Variants in HECTD4 observed in about 807,000 individuals in gnomAD.
HECTD4 encodes the protein probable E3 ubiquitin-protein ligase HECTD4.
Under a neutral mutation model 471.5 loss-of-function variants are expected in HECTD4, and 114 were observed. The observed-to-expected ratio is 0.24, with a 90% confidence interval of 0.21 to 0.28. The LOEUF is 0.28. HECTD4 is among the 10% of genes least tolerant of loss of function. The pLI is 1.00. For missense variants in HECTD4, 3,866 were observed against 5,651.5 expected (o/e 0.68, Z 10.13); for synonymous variants, 2,012 against 2,256.0 (o/e 0.89, Z 3.07).
chr12:112,183,891 C>T (rs528549411), intron 61 of HECTD4, among the ~76,000 whole-genome samples: 1 of 152,328 alleles, frequency 6.6e-6, no homozygotes, highest in African/African-American at 2.4e-5. Context: ...ACAAAAAGAA[C>T]CCAAGGCCAT....
At chr12:112,252,401 C>G in intron 23 of HECTD4, 23 bp downstream of exon 23, 1 of 1,567,568 alleles carries the variant, frequency 6.4e-7, no homozygotes, top group Non-Finnish European at 8.6e-7. Context: ...ATTTTGTCCA[C>G]GGCAGTGGTT....
intron 1 of HECTD4, among the ~76,000 whole-genome samples, chr12:112,360,097 T>G (rs1420562091): frequency 6.6e-6 from 1 of 152,184 alleles, no homozygotes; most frequent in African/African-American, 2.4e-5. Flanking sequence ...GTATTTTTCT[T>G]GGTAACTAGA....
intron 45 of HECTD4, 123 bp from the exon 46 acceptor site, chr12:112,217,318 T>TACAC (rs201184790): frequency 1.5e-5 from 7 of 470,656 alleles, no homozygotes; most frequent in Admixed American, 1.2e-4. Flanking sequence ...CACACACACA[T>TACAC]ACACACACAC....
At chr12:112,318,303 A>G (rs762965850) in intron 2 of HECTD4, among the ~76,000 whole-genome samples, 2 of 152,050 alleles carry the variant, frequency 1.3e-5, no homozygotes, top group African/African-American at 2.4e-5. Context: ...AGAGAAAAGC[A>G]AAAAGAAAAG....
Position 112,213,909 on chromosome 12 carries a change from T to C in HECTD4, c.7466-1259A>G, listed in dbSNP as rs1229445859. ...TGGTAGTGTGTGCCTATGGTCCCAG[T>C]TACTCAGGAGGCTGAGATGGGAGGG... On this transcript the variant is annotated intron_variant, in intron 48 of 75. Transcript: ENST00000682272. This position sits in a 1 kb window ranked among gnomAD's most constrained non-coding sequence, Gnocchi z 4.0. Among the ~76,000 whole-genome samples, 1 of 151,156 alleles carries C rather than the reference T, an allele frequency of 6.6e-6. No individual in the cohort carries two copies. Among genetic ancestry groups the C allele is most frequent in the Non-Finnish European group, 1.5e-5 (1 of 67,854 alleles).
At position 112,253,644 on chromosome 12, in the gene HECTD4, T is replaced by C. The variant is rs1372118271; in HGVS notation, c.3447+399A>G. 4.6e-5 allele frequency among the ~76,000 whole-genome samples: 7 copies of C among 152,220 alleles called. 1 individual carries two copies. The East Asian group carries it at 1.2e-3, about 25-fold the overall frequency. ...TCATCAGTTTGAGAATGGATAATTG[T>C]TTTTGCTCCAAAGGCCCAAATTCAT... On this transcript the variant is annotated intron_variant, in intron 22 of 75. Coordinates refer to ENST00000682272, the MANE Select transcript of HECTD4 (RefSeq NM_001388303.1).
Position 112,171,189 on chromosome 12 carries a change from GGAA to G in HECTD4, c.11857_11859del (p.Phe3953del), listed in dbSNP as rs1189706170. The G allele has an allele frequency of 3.7e-6, 6 of 1,613,294 alleles. No individual in the cohort carries two copies. The highest frequency in any genetic ancestry group is 2.7e-5 in the African/African-American group (2 of 74,934). Reference sequence around the variant, plus strand: ...GTCTGGCGCAGCTCCACCAGGGGCAGGAAGAAGGTCTCCAGTGTGGTGTTGAGG... The same window carrying G: ...GTCTGGCGCAGCTCCACCAGGGGCAGGAAGGTCTCCAGTGTGGTGTTGAGG... On this transcript the variant is annotated inframe_deletion, in exon 68 of 76. Transcript: ENST00000682272.
chr12:112,270,422 T>C lies in HECTD4; in HGVS notation c.1980A>G (p.Leu660=), dbSNP rs2034390511. ...AITTNEVINQ[L]LHHVGAMCIH... ...TGCACATCGCACCAACGTGGTGCAA[T>C]AATTGGTTTATAACCTCATTCGTGG... Residue 660 remains leucine, a synonymous_variant, in exon 12 of 76, where the codon TTA becomes TTG. Transcript: ENST00000682272. 6.2e-7 allele frequency: 1 copy of C among 1,613,896 alleles called. No individual in the cohort carries two copies. The highest frequency in any genetic ancestry group is 8.5e-7 in the Non-Finnish European group (1 of 1,179,916).
chr12:112,365,511 C>A (rs1452064727), intron 1 of HECTD4, among the ~76,000 whole-genome samples: 1 of 152,226 alleles, frequency 6.6e-6, no homozygotes, highest in Non-Finnish European at 1.5e-5. Flanking sequence ...CATTTCACTT[C>A]TGACCAGCCA....
intron 1 of HECTD4, among the ~76,000 whole-genome samples, chr12:112,370,197 A>T (rs2036639800): frequency 6.6e-6 from 1 of 152,186 alleles, no homozygotes; most frequent in Non-Finnish European, 1.5e-5. Context: ...CAAGCCAAGA[A>T]ATACAAGTGG....
At chr12:112,255,450 C>A (rs1354372883) in intron 21 of HECTD4, among the ~76,000 whole-genome samples, 1 of 152,116 alleles carries the variant, frequency 6.6e-6, no homozygotes, top group East Asian at 1.9e-4. Context: ...CTATAACTTG[C>A]CCAGAAATGT....
Position 112,213,681 on chromosome 12 carries a change from G to A in HECTD4, c.7466-1031C>T, listed in dbSNP as rs2032830211. Among the ~76,000 whole-genome samples the A allele has an allele frequency of 7.0e-6, 1 of 143,754 alleles. No homozygotes were observed. The highest frequency in any genetic ancestry group is 1.5e-5 in the Non-Finnish European group (1 of 66,908). The allele number at this position is 143,754 out of a possible 152,430, so 94.3% of individuals were successfully genotyped here. On this transcript the variant is annotated intron_variant, in intron 48 of 75. Transcript: ENST00000682272. This position sits in a 1 kb window ranked among gnomAD's most constrained non-coding sequence, Gnocchi z 4.0. ...AGCCTGGGCGACAGAGCAAGACTCC[G>A]TCTCAAAAAAATATATACATATATA... is the stretch of plus-strand genomic sequence containing the variant.
chr12:112,208,110 G>A, intron 51 of HECTD4, 110 bp from the exon 52 acceptor site: 2 of 1,259,332 alleles, frequency 1.6e-6, no homozygotes, highest in Non-Finnish European at 2.2e-6. Flanking sequence ...TTAAATGCCA[G>A]TAATAGAAAG....
In HECTD4 at chr12:112,262,515, C is replaced by CAAAAAA. The variant is rs758273849; in HGVS notation, c.2749-1092_2749-1087dup. ...TGGGCGACAAAGAGAGACTCCATCT[C>CAAAAAA]AAAAAAAAAAAAAAAAAAAAAAAAA... On this transcript the variant is annotated intron_variant, in intron 17 of 75. Coordinates refer to ENST00000682272, the MANE Select transcript of HECTD4 (RefSeq NM_001388303.1). Among the ~76,000 whole-genome samples, 11 of 19,758 alleles carry CAAAAAA rather than the reference C, an allele frequency of 5.6e-4. 1 individual carries two copies. The highest frequency in any genetic ancestry group is 4.5e-3 in the East Asian group (3 of 670). 13.0% of individuals were successfully genotyped at this position (19,758 alleles called of 152,430 possible). A position where few individuals can be genotyped will look rare whatever the true frequency, so the allele number is the denominator to read the frequency against.
At chr12:112,311,323 G>A (rs114929362) in intron 4 of HECTD4, among the ~76,000 whole-genome samples, 1,818 of 151,588 alleles carry the variant, frequency 0.012, 45 homozygotes, top group African/African-American at 0.042. Flanking sequence ...CAGGCCAGGC[G>A]CCGTGGCTCG....
At chr12:112,367,160 G>A (rs2036576779) in intron 1 of HECTD4, among the ~76,000 whole-genome samples, 1 of 151,506 alleles carries the variant, frequency 6.6e-6, no homozygotes, top group African/African-American at 2.4e-5. Flanking sequence ...AAATTAGCCA[G>A]GTGTGGTGGC....
chr12:112,228,003 T>C lies in HECTD4; in HGVS notation c.6854+86A>G. On this transcript the variant is annotated intron_variant, in intron 43 of 75. Coordinates refer to ENST00000682272, the MANE Select transcript of HECTD4 (RefSeq NM_001388303.1). The surrounding 1 kb of genome is among the most constrained non-coding windows in gnomAD (Gnocchi z 4.9). Reference sequence around the variant, plus strand: ...GCTTCAAGCTGTGGATTCACTAAGTTGGGAGTGGAGGGGCCCACCAAGGAT... The same window carrying C: ...GCTTCAAGCTGTGGATTCACTAAGTCGGGAGTGGAGGGGCCCACCAAGGAT... 3 of 1,224,500 alleles carry C rather than the reference T, an allele frequency of 2.4e-6. No homozygotes were observed. The highest frequency in any genetic ancestry group is 3.4e-6 in the Non-Finnish European group (3 of 891,786). 75.9% of individuals were successfully genotyped at this position (1,224,500 alleles called of 1,614,324 possible).
At position 112,243,409 on chromosome 12, in the gene HECTD4, G is replaced by T; in HGVS notation, c.4902C>A (p.Val1634=). 6.2e-7 allele frequency: 1 copy of T among 1,612,448 alleles called. No individual in the cohort carries two copies. Among genetic ancestry groups the T allele is most frequent in the East Asian group, 2.2e-5 (1 of 44,832 alleles). ...GACCCACAAGATGCGTCACTCCCCC[G>T]ACTCGTACGGCAGCTGTCAGCAATT... is the stretch of plus-strand genomic sequence containing the variant. ...MRELLTAAVR[V]GGVTHLVGPV... Residue 1634 remains valine, a synonymous_variant, in exon 32 of 76, where the codon GTC becomes GTA. Transcript: ENST00000682272. This position sits in a 1 kb window ranked among gnomAD's most constrained non-coding sequence, Gnocchi z 6.6.
At chr12:112,295,582 C>T (rs1380047803) in intron 7 of HECTD4, among the ~76,000 whole-genome samples, 1 of 151,020 alleles carries the variant, frequency 6.6e-6, no homozygotes, top group African/African-American at 2.4e-5. Flanking sequence ...TCAAGTGATC[C>T]TCCTGCTTCA....
Sources: allele counts gnomAD v4.1 joint callset (sites outside exome capture counted in the v4.1 genomes callset), GRCh38; gene constraint gnomAD v4.1.1; non-coding constraint Gnocchi (gnomAD v3.1); transcripts MANE v1.5; gene names NCBI Gene and HGNC (gene_info 2026-07-23, HGNC 2026-07-21).